ADGRB3: variants seen among roughly 807,000 people sequenced by gnomAD.
ADGRB3 encodes adhesion G protein-coupled receptor B3.
In ADGRB3, 37 loss-of-function variants were observed where a neutral mutation model predicts 193.4. The observed-to-expected ratio is 0.19, with a 90% CI of 0.15 to 0.25. The LOEUF (loss-of-function observed/expected upper bound fraction) is 0.25, where lower values mean the gene tolerates loss of function less well. Ranked by LOEUF, ADGRB3 falls within the 10% of genes least tolerant of loss-of-function variation. The pLI is 1.00. For missense variants in ADGRB3, 1,637 were observed against 1,852.9 expected, an observed-to-expected ratio of 0.88 and a Z score of 2.14; for synonymous variants, 690 against 644.2, an observed-to-expected ratio of 1.07 and a Z score of -1.08.
chr6:69,357,560 G>T (rs1769361829), intron 28 of ADGRB3, among the ~76,000 whole-genome samples: 1 of 151,870 alleles, frequency 6.6e-6, no homozygotes, highest in South Asian at 2.1e-4. Context: ...CCCCCTTACT[G>T]CCAGCAGACC....
rs1768007047 is a variant in ADGRB3 at position 68,638,587 on chromosome 6, A to G, written c.-15-74A>G. 2.2e-6 allele frequency: 3 copies of G among 1,385,972 alleles called. No individual in the cohort carries two copies. The Admixed American group carries it at 7.1e-5, about 33-fold the overall frequency. 85.9% of individuals were successfully genotyped at this position (1,385,972 alleles called of 1,614,324 possible). A position where few individuals can be genotyped will look rare whatever the true frequency, so the allele number is the denominator to read the frequency against. ...GAAATCTTGAAAACAGCTGGCTGTA[A>G]TATTGAAAGGAGTTTATTTTCTCAA... On this transcript the variant is annotated intron_variant, in intron 2 of 31. Transcript: ENST00000370598.
At chr6:68,775,246 T>C (rs1226011739) in intron 3 of ADGRB3, among the ~76,000 whole-genome samples, 1 of 150,272 alleles carries the variant, frequency 6.7e-6, no homozygotes, top group Non-Finnish European at 1.5e-5. Context: ...GAGGAGTCAA[T>C]GGGAGTCAAG....
At chr6:68,837,920 A>G (rs1768075737) in intron 3 of ADGRB3, among the ~76,000 whole-genome samples, 1 of 152,210 alleles carries the variant, frequency 6.6e-6, no homozygotes, top group Non-Finnish European at 1.5e-5. Context: ...AAGCTGAGCT[A>G]TAAGAAAGCC....
At chr6:69,300,997 A>T (rs1160240940) in intron 20 of ADGRB3, among the ~76,000 whole-genome samples, 1 of 151,802 alleles carries the variant, frequency 6.6e-6, no homozygotes, top group African/African-American at 2.4e-5. Context: ...AATACAATTG[A>T]TTCTTGAACA....
At chr6:68,908,351 C>T (rs774842705) in intron 3 of ADGRB3, among the ~76,000 whole-genome samples, 36 of 152,050 alleles carry the variant, frequency 2.4e-4, no homozygotes, top group Admixed American at 1.1e-3. Flanking sequence ...ACCTTCTGAA[C>T]GCCTAAGAGC....
chr6:68,764,706 T>A (rs1339766409), intron 3 of ADGRB3, among the ~76,000 whole-genome samples: 1 of 152,204 alleles, frequency 6.6e-6, no homozygotes, highest in Admixed American at 6.5e-5. Context: ...TATTTAATAG[T>A]TATCCTCATG....
In ADGRB3 at chr6:68,773,733, G is replaced by T. The variant is rs575928286; in HGVS notation, c.757+134301G>T. On this transcript the variant is annotated intron_variant, in intron 3 of 31. Transcript: ENST00000370598. ...GACATAGTCCAGATTTGGAGGATCA[G>T]GAAAGACCTCCATGGGAAGAGATGT... Among the ~76,000 whole-genome samples, 12 of 152,216 alleles carry T rather than the reference G, an allele frequency of 7.9e-5. No individual in the cohort carries two copies. The South Asian group carries it at 1.0e-3, about 13-fold the overall frequency.
intron 13 of ADGRB3, among the ~76,000 whole-genome samples, chr6:69,041,786 C>T (rs1251809637): frequency 1.3e-5 from 2 of 152,014 alleles, no homozygotes; most frequent in African/African-American, 4.8e-5. Flanking sequence ...TATATGGGGT[C>T]TCACTATGTT....
intron 3 of ADGRB3, among the ~76,000 whole-genome samples, chr6:68,796,589 C>G (rs1183961681): frequency 6.6e-6 from 1 of 152,072 alleles, no homozygotes; most frequent in Non-Finnish European, 1.5e-5. Flanking sequence ...AATATGTTTG[C>G]CCATCTTTGA....
intron 17 of ADGRB3, among the ~76,000 whole-genome samples, chr6:69,090,482 C>T (rs957877358): frequency 6.6e-5 from 10 of 152,182 alleles, no homozygotes; most frequent in Non-Finnish European, 1.0e-4. Flanking sequence ...TGGATGAGGA[C>T]ATAGCCATTT....
At chr6:68,721,260 A>C (rs567230497) in intron 3 of ADGRB3, among the ~76,000 whole-genome samples, 2 of 151,912 alleles carry the variant, frequency 1.3e-5, no homozygotes, top group Non-Finnish European at 2.9e-5. Flanking sequence ...GATTAAGAAA[A>C]TGTGGCACAT....
intron 20 of ADGRB3, among the ~76,000 whole-genome samples, chr6:69,294,276 T>C (rs772059838): frequency 6.6e-6 from 1 of 152,090 alleles, no homozygotes; most frequent in African/African-American, 2.4e-5. Flanking sequence ...CAAAGATAGA[T>C]TCAGAGGTAT....
At chr6:68,749,394 T>TTATA (rs1447436271) in intron 3 of ADGRB3, among the ~76,000 whole-genome samples, 33 of 137,378 alleles carry the variant, frequency 2.4e-4, no homozygotes, top group African/African-American at 9.2e-4. Context: ...AAACTCCCCT[T>TTATA]TATATATATA....
In ADGRB3 at chr6:68,956,170, T is replaced by C; in HGVS notation, c.1342T>C (p.Tyr448His). Residue 448 changes from tyrosine to histidine, a missense_variant, in exon 7 of 32, where the codon TAT (tyrosine) becomes CAT (histidine). Transcript: ENST00000370598. ...RGPWAESREC[Y>H]NPECTANGQW... ...GCCATGGGCAGAAAGCAGAGAGTGC[T>C]ATAACCCTGAATGTACAGGTAGGGC... 1 of 1,612,620 alleles carries C rather than the reference T, an allele frequency of 6.2e-7. No individual in the cohort carries two copies. Among genetic ancestry groups the C allele is most frequent in the African/African-American group, 1.3e-5 (1 of 74,986 alleles).
At chr6:69,316,158 T>G (rs73745999) in intron 20 of ADGRB3, among the ~76,000 whole-genome samples, 2,490 of 151,436 alleles carry the variant, frequency 0.016, 68 homozygotes, top group African/African-American at 0.056. Flanking sequence ...TTTATTTGAG[T>G]GTTGGAAATA....
At chr6:69,267,687 C>T (rs908050861) in intron 20 of ADGRB3, among the ~76,000 whole-genome samples, 9 of 152,056 alleles carry the variant, frequency 5.9e-5, no homozygotes, top group African/African-American at 2.2e-4. Context: ...TTCTTATTCA[C>T]CAATGGATAT....
chr6:68,931,222 A>G (rs1021539114), intron 4 of ADGRB3, among the ~76,000 whole-genome samples: 2 of 151,990 alleles, frequency 1.3e-5, no homozygotes, highest in African/African-American at 4.8e-5. Context: ...AACACACTCC[A>G]TCTAATTAAA....
chr6:68,646,501 GA>G (rs372141281), intron 3 of ADGRB3, among the ~76,000 whole-genome samples: 2 of 147,304 alleles, frequency 1.4e-5, no homozygotes, highest in East Asian at 4.1e-4. Context: ...AAAGAAAAAA[GA>G]AAAAAAGATG....
At position 68,773,287 on chromosome 6, in the gene ADGRB3, G is replaced by A. The variant is rs183992855; in HGVS notation, c.757+133855G>A. ...GTGGCAGAGCCAGGACACAAATCCA[G>A]CTCTTCTCACTGCTGTTTAACAGAA... On this transcript the variant is annotated intron_variant, in intron 3 of 31. Transcript: ENST00000370598. 1.4e-4 allele frequency among the ~76,000 whole-genome samples: 21 copies of A among 152,192 alleles called. No homozygotes were observed. In the East Asian group the frequency reaches 3.5e-3, roughly 25 times the overall value.
Sources: allele counts gnomAD v4.1 joint callset (sites outside exome capture counted in the v4.1 genomes callset), GRCh38; gene constraint gnomAD v4.1.1; transcripts MANE v1.5; gene names NCBI Gene and HGNC (gene_info 2026-07-23, HGNC 2026-07-21).